The following NRP1 variants were observed in gnomAD, a reference collection of about 807,000 sequenced individuals.
The protein encoded by NRP1 is neuropilin 1, also known as neuropilin-1.
NRP1 carries 35 observed loss-of-function variants against 106.7 expected under a neutral mutation model. That is an observed-to-expected ratio of 0.33 (90% CI 0.25 to 0.43). The LOEUF (loss-of-function observed/expected upper bound fraction) is 0.43, where lower values mean the gene tolerates loss of function less well. Ranked by LOEUF, NRP1 falls within the 20% of genes least tolerant of loss-of-function variation. The pLI is 1.00. For synonymous variants in NRP1, 437 were observed against 417.9 expected (o/e 1.05, Z -0.56); for missense variants, 1,024 against 1,170.4 (o/e 0.87, Z 1.83).
At chr10:33,212,152 T>C (rs1300241975) in intron 9 of NRP1, 1 of 152,238 alleles carries the variant, frequency 6.6e-6, no homozygotes, top group Non-Finnish European at 1.5e-5. Flanking sequence ...ATGGAATGTT[T>C]TTGTGTTGAG....
chr10:33,192,101 A>G (rs1003671635), intron 13 of NRP1, among the ~76,000 whole-genome samples, 180 bp downstream of exon 13: 1 of 152,040 alleles, frequency 6.6e-6, no homozygotes, highest in African/African-American at 2.4e-5. Flanking sequence ...GATTTGCCCT[A>G]TGCTTCTCGC....
intron 4 of NRP1, among the ~76,000 whole-genome samples, chr10:33,260,061 C>T (rs1564431964): frequency 6.6e-6 from 1 of 152,024 alleles, no homozygotes; most frequent in Non-Finnish European, 1.5e-5. Flanking sequence ...TCTCATCTCT[C>T]GATGTTGCCC....
intron 2 of NRP1, among the ~76,000 whole-genome samples, chr10:33,323,656 A>G (rs1847688059): frequency 6.6e-6 from 1 of 152,196 alleles, no homozygotes; most frequent in African/African-American, 2.4e-5. Flanking sequence ...TCTTACAATC[A>G]GGATGGATGA....
chr10:33,203,548 A>C (rs1454552389), intron 10 of NRP1, among the ~76,000 whole-genome samples: 1 of 152,110 alleles, frequency 6.6e-6, no homozygotes, highest in African/African-American at 2.4e-5. Flanking sequence ...TTTCTCTGTA[A>C]GTAGCTTCTC....
intron 2 of NRP1, among the ~76,000 whole-genome samples, chr10:33,326,098 C>T (rs1260039506): frequency 2.0e-5 from 3 of 152,126 alleles, no homozygotes; most frequent in African/African-American, 7.2e-5. Flanking sequence ...TGAATGTAAC[C>T]ATACACCTCT....
intron 2 of NRP1, among the ~76,000 whole-genome samples, chr10:33,282,262 G>A (rs1200561519): frequency 6.6e-6 from 1 of 152,086 alleles, no homozygotes; most frequent in African/African-American, 2.4e-5. Flanking sequence ...TAATTGGTAT[G>A]GTGGAGGCAC....
At chr10:33,322,710 T>C (rs1031532263) in intron 2 of NRP1, among the ~76,000 whole-genome samples, 20 of 152,328 alleles carry the variant, frequency 1.3e-4, no homozygotes, top group Admixed American at 3.3e-4. Context: ...AAACCACCAA[T>C]TGGTTGAAAG....
At chr10:33,241,798 T>G (rs1395971512) in intron 6 of NRP1, among the ~76,000 whole-genome samples, 4 of 152,178 alleles carry the variant, frequency 2.6e-5, no homozygotes, top group Non-Finnish European at 5.9e-5. Flanking sequence ...GTTGCCATTA[T>G]AGTTTTAGAT....
At position 33,221,834 on chromosome 10, in the gene NRP1, A is replaced by T. The variant is rs771549854; in HGVS notation, c.1167T>A (p.Asp389Glu). 6.2e-7 allele frequency: 1 copy of T among 1,613,808 alleles called. No individual in the cohort carries two copies. The highest frequency in any genetic ancestry group is 1.6e-4 in the Middle Eastern group (1 of 6,062). Residue 389 changes from aspartate to glutamate, a missense_variant, in exon 8 of 17, where the codon GAT (aspartate) becomes GAA (glutamate). Transcript: ENST00000374867. ...VLFQGNTNPTDVVVAVFPKPL... is the reference protein window; with the variant it reads ...VLFQGNTNPTEVVVAVFPKPL... Reference sequence around the variant, plus strand: ...GTTTGGGGAATACTGCAACCACAACATCTGTGGGGTTGGTGTTTCCCTGAA... The same window carrying T: ...GTTTGGGGAATACTGCAACCACAACTTCTGTGGGGTTGGTGTTTCCCTGAA...
chr10:33,241,633 T>C (rs1453402355), intron 6 of NRP1, among the ~76,000 whole-genome samples: 1 of 151,802 alleles, frequency 6.6e-6, no homozygotes, highest in East Asian at 1.9e-4. Context: ...GACTGTGCTG[T>C]TGTATGTGTG....
chr10:33,225,897 T>C (rs1839625257), intron 7 of NRP1, among the ~76,000 whole-genome samples: 1 of 152,238 alleles, frequency 6.6e-6, no homozygotes, highest in South Asian at 2.1e-4. Flanking sequence ...TTCTTGAGTC[T>C]GACACTTAAT....
At chr10:33,285,200 G>GT (rs1844428942) in intron 2 of NRP1, among the ~76,000 whole-genome samples, 1 of 152,202 alleles carries the variant, frequency 6.6e-6, no homozygotes, top group African/African-American at 2.4e-5. Flanking sequence ...TTTTCCTCTA[G>GT]TTTGTCTCCC....
intron 3 of NRP1, among the ~76,000 whole-genome samples, chr10:33,266,740 T>C (rs1292419007): frequency 6.6e-6 from 1 of 152,126 alleles, no homozygotes; most frequent in African/African-American, 2.4e-5. Flanking sequence ...TGGGGGTGGA[T>C]TTCTCATGAA....
chr10:33,294,675 C>G (rs1404303529), intron 2 of NRP1, among the ~76,000 whole-genome samples: 2 of 150,992 alleles, frequency 1.3e-5, no homozygotes, highest in Non-Finnish European at 2.9e-5. Flanking sequence ...CCAAGGGGAC[C>G]AGAAGAGTAA....
chr10:33,247,581 C>A (rs1245032003), intron 6 of NRP1, among the ~76,000 whole-genome samples: 1 of 152,202 alleles, frequency 6.6e-6, no homozygotes. Flanking sequence ...GCCCATTAGG[C>A]CTGATGCCAG....
chr10:33,222,076 C>T (rs1839290349), intron 7 of NRP1, among the ~76,000 whole-genome samples: 1 of 151,924 alleles, frequency 6.6e-6, no homozygotes, highest in Non-Finnish European at 1.5e-5. Context: ...ATTCAATTTT[C>T]TGAGAGGCTA....
chr10:33,260,985 CAA>C (rs35665366), intron 4 of NRP1, among the ~76,000 whole-genome samples: 129 of 60,062 alleles, frequency 2.1e-3, no homozygotes, highest in Middle Eastern at 0.01. Context: ...TGCCATTGAC[CAA>C]AAAAAAAAAA....
At chr10:33,316,783 T>C (rs963969929) in intron 2 of NRP1, among the ~76,000 whole-genome samples, 9 of 152,148 alleles carry the variant, frequency 5.9e-5, no homozygotes, top group African/African-American at 2.2e-4. Flanking sequence ...GGCCAAGAAA[T>C]GGCCAATGTT....
intron 2 of NRP1, among the ~76,000 whole-genome samples, chr10:33,292,821 C>G (rs1405477732): frequency 6.6e-6 from 1 of 152,140 alleles, no homozygotes; most frequent in Non-Finnish European, 1.5e-5. Context: ...AACCCTGTCT[C>G]TACTAAAAAT....
Sources: gnomAD v4.1 joint callset for allele counts (sites outside exome capture counted in the v4.1 genomes callset) on GRCh38, gnomAD v4.1.1 for gene constraint, MANE v1.5 for transcripts, NCBI Gene and HGNC (gene_info 2026-07-23, HGNC 2026-07-21) for gene names.